The following PRKCB variants were observed in gnomAD, a reference collection of about 807,000 sequenced individuals.
The protein encoded by PRKCB is protein kinase C beta type.
PRKCB carries 13 observed loss-of-function variants against 81.5 expected under a neutral mutation model. The observed-to-expected ratio is 0.16, with a 90% CI of 0.10 to 0.25. The LOEUF (loss-of-function observed/expected upper bound fraction) is 0.25, where lower values mean the gene tolerates loss of function less well. Among genes scored for constraint, PRKCB ranks in the 10% least tolerant of loss-of-function variants. The probability of loss-of-function intolerance (pLI) is 1.00; values close to 1 mark genes in which losing one functional copy is unlikely to be tolerated. For missense variants in PRKCB, 509 were observed against 875.7 expected, an observed-to-expected ratio of 0.58 and a Z score of 5.29; for synonymous variants, 335 against 321.4, an observed-to-expected ratio of 1.04 and a Z score of -0.45.
chr16:24,040,820 G>A (rs570355683), intron 5 of PRKCB, among the ~76,000 whole-genome samples: 2 of 152,262 alleles, frequency 1.3e-5, no homozygotes, highest in South Asian at 2.1e-4. Context: ...CAGGTCCAAC[G>A]TCAACAGCAA....
At chr16:24,137,309 C>T (rs1336820641) in intron 9 of PRKCB, among the ~76,000 whole-genome samples, 1 of 152,146 alleles carries the variant, frequency 6.6e-6, no homozygotes, top group Non-Finnish European at 1.5e-5. Flanking sequence ...CTGCCTCAGC[C>T]TCCCGACTAG....
chr16:24,136,547 T>TA (rs1966865405), intron 9 of PRKCB, among the ~76,000 whole-genome samples: 1 of 152,200 alleles, frequency 6.6e-6, no homozygotes, highest in South Asian at 2.1e-4. Context: ...TCTCTGCAGA[T>TA]ACGCATCAGC....
chr16:24,027,240 C>A (rs147593456), intron 3 of PRKCB, among the ~76,000 whole-genome samples: 1 of 152,062 alleles, frequency 6.6e-6, no homozygotes, highest in East Asian at 1.9e-4. Context: ...TGAGAACATG[C>A]GGTGTTTGAT....
At position 24,032,102 on chromosome 16, in the gene PRKCB, C is replaced by T. The variant is rs191854313; in HGVS notation, c.289-34C>T. 179 of 1,481,306 alleles carry T rather than the reference C, an allele frequency of 1.2e-4. 2 individuals carry two copies. In the Admixed American group the frequency reaches 1.9e-3, roughly 16 times the overall value. The allele number at this position is 1,481,306 out of a possible 1,614,324, so 91.8% of individuals were successfully genotyped here. A position where few individuals can be genotyped will look rare whatever the true frequency, so the allele number is the denominator to read the frequency against. ...ATGAACCGTTGGCATGCTCCACTGA[C>T]GCTGGCTCCTTCTGTTGTTTCTCTT... is the stretch of plus-strand genomic sequence containing the variant. On this transcript the variant is annotated intron_variant, in intron 3 of 16. Coordinates refer to ENST00000643927, the MANE Select transcript of PRKCB (RefSeq NM_002738.7).
intron 5 of PRKCB, among the ~76,000 whole-genome samples, chr16:24,040,925 T>A (rs1253388272): frequency 1.3e-5 from 2 of 152,122 alleles, no homozygotes. Context: ...ATTTGTAGTA[T>A]CCCAGGAAAC....
intron 2 of PRKCB, among the ~76,000 whole-genome samples, chr16:23,921,592 G>A (rs555872840): frequency 6.6e-6 from 1 of 152,258 alleles, no homozygotes; most frequent in South Asian, 2.1e-4. Flanking sequence ...CTTGAGGCCA[G>A]GAGTTCAAGA....
intron 10 of PRKCB, among the ~76,000 whole-genome samples, chr16:24,168,787 A>G (rs1357272715): frequency 2.1e-5 from 3 of 140,110 alleles, no homozygotes; most frequent in Admixed American, 7.5e-5. Context: ...TCAAACTCCT[A>G]GCCTCAAGTG....
chr16:23,859,635 G>A (rs528893121), intron 2 of PRKCB, among the ~76,000 whole-genome samples: 2 of 152,312 alleles, frequency 1.3e-5, no homozygotes, highest in South Asian at 4.1e-4. Flanking sequence ...TTTTGAGGCA[G>A]AGGAAGCAGT....
chr16:24,161,864 T>A (rs1967261593), intron 10 of PRKCB, among the ~76,000 whole-genome samples: 1 of 152,182 alleles, frequency 6.6e-6, no homozygotes. Flanking sequence ...GCTGCATAGG[T>A]ACGAAAGAAT....
intron 5 of PRKCB, among the ~76,000 whole-genome samples, chr16:24,042,124 G>A (rs12102936): frequency 0.19 from 28,487 of 152,006 alleles, 2,709 homozygotes; most frequent in Middle Eastern, 0.27. Context: ...TGTTATATAG[G>A]TAAACTTGTG....
At chr16:23,951,815 C>G (rs751118489) in intron 2 of PRKCB, among the ~76,000 whole-genome samples, 4 of 151,904 alleles carry the variant, frequency 2.6e-5, no homozygotes, top group Non-Finnish European at 4.4e-5. Flanking sequence ...TTGGTCTGTC[C>G]TATGTCTTTT....
At chr16:23,979,039 T>A (rs1964660446) in intron 2 of PRKCB, among the ~76,000 whole-genome samples, 1 of 152,100 alleles carries the variant, frequency 6.6e-6, no homozygotes, top group Non-Finnish European at 1.5e-5. Context: ...CCGCATGGGG[T>A]GAGCAGAAGT....
intron 5 of PRKCB, among the ~76,000 whole-genome samples, chr16:24,071,276 G>A (rs1966103997): frequency 6.6e-6 from 1 of 151,908 alleles, no homozygotes; most frequent in Non-Finnish European, 1.5e-5. Flanking sequence ...TATGGTAAGA[G>A]GAGCCTGAGC....
At chr16:23,942,338 C>T (rs1226740336) in intron 2 of PRKCB, among the ~76,000 whole-genome samples, 3 of 152,218 alleles carry the variant, frequency 2.0e-5, no homozygotes, top group African/African-American at 4.8e-5. Context: ...ATCCCCATGG[C>T]GTTGGAGCAT....
rs1364174812 is a variant in PRKCB at position 24,216,170 on chromosome 16, T to C, written c.*1354T>C. The C allele has an allele frequency of 4.1e-6, 4 of 985,460 alleles. No individual in the cohort carries two copies. The highest frequency in any genetic ancestry group is 4.8e-6 in the Non-Finnish European group (4 of 830,004). 61.0% of individuals were successfully genotyped at this position (985,460 alleles called of 1,614,324 possible). The stretch of plus-strand genomic sequence containing the variant: ...TCGGAGGGGCGGGGGCTGTGGCCCA[T>C]TCAGGGGCTGCTGGTGGGCTGTAGT... On this transcript the variant is annotated 3_prime_UTR_variant, in exon 17 of 17. Transcript: ENST00000643927.
intron 5 of PRKCB, among the ~76,000 whole-genome samples, chr16:24,068,194 C>G (rs977561517): frequency 2.0e-5 from 3 of 152,178 alleles, no homozygotes; most frequent in Non-Finnish European, 4.4e-5. Context: ...GCACCATAAG[C>G]CTGACAAAAC....
chr16:24,119,371 CACT>C (rs1401833580), intron 8 of PRKCB, among the ~76,000 whole-genome samples: 1 of 152,058 alleles, frequency 6.6e-6, no homozygotes. Context: ...CTTATCTGTC[CACT>C]ACGCAAAGTC....
In PRKCB at chr16:24,122,324, G is replaced by A. The variant is rs370289026; in HGVS notation, c.919-1511G>A. On this transcript the variant is annotated intron_variant, in intron 8 of 16. Transcript: ENST00000643927. Reference sequence around the variant, plus strand: ...TGAAATCAGAGGGGCTCAGTCATCTGTGGCCTTTGGCTTTTACTTTGAGAA... The same window carrying A: ...TGAAATCAGAGGGGCTCAGTCATCTATGGCCTTTGGCTTTTACTTTGAGAA... 1.3e-4 allele frequency among the ~76,000 whole-genome samples: 20 copies of A among 152,222 alleles called. 2 individuals carry two copies. The highest frequency in any genetic ancestry group is 6.5e-4 in the Admixed American group (10 of 15,284).
At chr16:24,139,568 TCA>T (rs1966880465) in intron 9 of PRKCB, among the ~76,000 whole-genome samples, 1 of 152,194 alleles carries the variant, frequency 6.6e-6, no homozygotes, top group East Asian at 1.9e-4. Flanking sequence ...AAATGCACCT[TCA>T]TTCTAAACTT....
Sources: gnomAD v4.1 joint callset for allele counts (sites outside exome capture counted in the v4.1 genomes callset) on GRCh38, gnomAD v4.1.1 for gene constraint, MANE v1.5 for transcripts, NCBI Gene and HGNC (gene_info 2026-07-23, HGNC 2026-07-21) for gene names.